The following NUBP1 variants were observed in gnomAD, a reference collection of about 807,000 sequenced individuals.
NUBP1 encodes the protein NUBP iron-sulfur cluster assembly factor 1, cytosolic.
In NUBP1, 46 loss-of-function variants were observed where a neutral mutation model predicts 41.8. That is an observed-to-expected ratio of 1.10 (90% CI 0.87 to 1.41). The LOEUF (loss-of-function observed/expected upper bound fraction) is 1.41, where lower values mean the gene tolerates loss of function less well. Ranked by LOEUF, NUBP1 falls within the 40% of genes most tolerant of loss-of-function variation. The probability of loss-of-function intolerance (pLI) is 0.00; values close to 1 mark genes in which losing one functional copy is unlikely to be tolerated. For synonymous variants in NUBP1, 189 were observed against 154.6 expected, an observed-to-expected ratio of 1.22 and a Z score of -1.65; for missense variants, 494 against 414.0, an observed-to-expected ratio of 1.19 and a Z score of -1.68.
chr16:10,760,502 C>G (rs952760370), intron 7 of NUBP1, among the ~76,000 whole-genome samples: 8 of 152,172 alleles, frequency 5.3e-5, no homozygotes, highest in East Asian at 1.9e-4. Context: ...CCCTAACACT[C>G]TGGGAGGCCG....
rs2030992345 is a variant in NUBP1 at position 10,767,092 on chromosome 16, C to A, written c.821-857C>A. ...AGGTAGGAACCCCTCCTGGGGTTCA[C>A]CTGAGGCTGGTGACCGGCCATGGGC... On this transcript the variant is annotated intron_variant, in intron 9 of 10. Coordinates refer to ENST00000283027, the MANE Select transcript of NUBP1 (RefSeq NM_002484.4). The surrounding 1 kb of genome is among the most constrained non-coding windows in gnomAD (Gnocchi z 4.6). 1 of 398,756 alleles carries A rather than the reference C, an allele frequency of 2.5e-6. No individual in the cohort carries two copies. 24.7% of individuals were successfully genotyped at this position (398,756 alleles called of 1,614,324 possible).
At chr16:10,752,710 T>C (rs372830762) in intron 4 of NUBP1, 32 bp downstream of exon 4, 3 of 1,580,012 alleles carry the variant, frequency 1.9e-6, no homozygotes, top group Admixed American at 3.3e-5. Flanking sequence ...CAGGAAATTA[T>C]TCTCTTAAGG....
Position 10,767,939 on chromosome 16 carries a change from C to T in NUBP1, c.821-10C>T, listed in dbSNP as rs1555476751. On this transcript the variant is annotated splice_polypyrimidine_tract_variant and intron_variant, in intron 9 of 10. Transcript: ENST00000283027. The surrounding 1 kb of genome is among the most constrained non-coding windows in gnomAD (Gnocchi z 4.6). ...GGACTGAATTGTCTTCCGTTTGTTT[C>T]TTTTTTAAGGTAAGAATTGTGACAA... 6.2e-7 allele frequency: 1 copy of T among 1,613,884 alleles called. No individual in the cohort carries two copies. Among genetic ancestry groups the T allele is most frequent in the Non-Finnish European group, 8.5e-7 (1 of 1,179,818 alleles).
rs1900814671 is a variant in NUBP1, at chr16:10,759,766, ACT to A, written c.607-1595_607-1594del. ...ACTCCAGCCTGGGCGACAGAGCAAGACTCTGTCTCAAAAAAAGAAAGAAAGAA... is the reference window on the plus strand; with the variant it reads ...ACTCCAGCCTGGGCGACAGAGCAAGACTGTCTCAAAAAAAGAAAGAAAGAA... On this transcript the variant is annotated intron_variant, in intron 7 of 10. Coordinates refer to ENST00000283027, the MANE Select transcript of NUBP1 (RefSeq NM_002484.4). The surrounding 1 kb of genome is among the most constrained non-coding windows in gnomAD (Gnocchi z 4.7). Among the ~76,000 whole-genome samples, 3 of 152,096 alleles carry A rather than the reference ACT, an allele frequency of 2.0e-5. No homozygotes were observed. The highest frequency in any genetic ancestry group is 2.0e-4 in the Admixed American group (3 of 15,260).
Position 10,767,841 on chromosome 16 carries a change from G to A in NUBP1, c.821-108G>A, listed in dbSNP as rs896681418. 3.7e-5 allele frequency: 37 copies of A among 997,804 alleles called. No homozygotes were observed. Among genetic ancestry groups the A allele is most frequent in the African/African-American group, 1.8e-4 (11 of 61,944 alleles). The allele number at this position is 997,804 out of a possible 1,614,324, so 61.8% of individuals were successfully genotyped here. ...CTTTGTTCTTCATTACGAGTGAAGCGGGCTCAAGATCTTCCCATTGTCACC... is the reference window on the plus strand; with the variant it reads ...CTTTGTTCTTCATTACGAGTGAAGCAGGCTCAAGATCTTCCCATTGTCACC... On this transcript the variant is annotated intron_variant, in intron 9 of 10. Coordinates refer to ENST00000283027, the MANE Select transcript of NUBP1 (RefSeq NM_002484.4). This position sits in a 1 kb window ranked among gnomAD's most constrained non-coding sequence, Gnocchi z 4.6.
chr16:10,757,750 C>T lies in NUBP1; in HGVS notation c.452-123C>T. Reference sequence around the variant, plus strand: ...GGCTGAGGTGGGAGGATTGCTTGAGCCTCAGAGTTAAGAGCCAACCTGGGC... The same window carrying T: ...GGCTGAGGTGGGAGGATTGCTTGAGTCTCAGAGTTAAGAGCCAACCTGGGC... On this transcript the variant is annotated intron_variant, in intron 6 of 10. Transcript: ENST00000283027. The surrounding 1 kb of genome is among the most constrained non-coding windows in gnomAD (Gnocchi z 4.1). 1 of 1,210,796 alleles carries T rather than the reference C, an allele frequency of 8.3e-7. No homozygotes were observed. The highest frequency in any genetic ancestry group is 1.2e-6 in the Non-Finnish European group (1 of 859,676). The allele number at this position is 1,210,796 out of a possible 1,614,324, so 75.0% of individuals were successfully genotyped here.
chr16:10,764,575 G>C (rs983557157), intron 9 of NUBP1, among the ~76,000 whole-genome samples: 3 of 150,642 alleles, frequency 2.0e-5, no homozygotes, highest in Non-Finnish European at 2.9e-5. Context: ...CAGTCTGCTG[G>C]AGTATGTCAG....
intron 5 of NUBP1, 48 bp from the exon 6 acceptor site, chr16:10,756,642 G>A: frequency 7.1e-7 from 1 of 1,409,538 alleles, no homozygotes; most frequent in African/African-American, 1.5e-5. Context: ...GCCTCACTGT[G>A]TGGTTTTGAG....
chr16:10,763,650 G>C (rs1054066594), intron 9 of NUBP1: 1 of 152,466 alleles, frequency 6.6e-6, no homozygotes, highest in African/African-American at 2.4e-5. Flanking sequence ...TGTGATTGGG[G>C]ACAGGAGCTT....
Position 10,765,466 on chromosome 16 carries a change from C to G in NUBP1, c.821-2483C>G, listed in dbSNP as rs28605410. Among the ~76,000 whole-genome samples the G allele has an allele frequency of 7.5e-3, 1,144 of 152,190 alleles. 14 individuals carry two copies. The highest frequency in any genetic ancestry group is 0.026 in the African/African-American group (1,093 of 41,504). ...GAGGTTGCAGTGAGCCATGATCACA[C>G]CACTGCACTCCAGCCTGGGCGACAG... On this transcript the variant is annotated intron_variant, in intron 9 of 10. Transcript: ENST00000283027. This position sits in a 1 kb window ranked among gnomAD's most constrained non-coding sequence, Gnocchi z 4.0.
intron 7 of NUBP1, among the ~76,000 whole-genome samples, chr16:10,760,048 G>A (rs1298321240): frequency 2.6e-5 from 4 of 152,238 alleles, no homozygotes; most frequent in East Asian, 1.9e-4. Flanking sequence ...GCTACTGAGC[G>A]GTGTTTATAC....
chr16:10,767,342 C>A lies in NUBP1; in HGVS notation c.821-607C>A. On this transcript the variant is annotated intron_variant, in intron 9 of 10. Transcript: ENST00000283027. This position sits in a 1 kb window ranked among gnomAD's most constrained non-coding sequence, Gnocchi z 4.6. Reference sequence around the variant, plus strand: ...GGGGACTGGAACAATGGCCACATGGCGGGGAAAGACTAGCAGACTGATAGA... The same window carrying A: ...GGGGACTGGAACAATGGCCACATGGAGGGGAAAGACTAGCAGACTGATAGA... 3 of 399,392 alleles carry A rather than the reference C, an allele frequency of 7.5e-6. No homozygotes were observed. Among genetic ancestry groups the A allele is most frequent in the Non-Finnish European group, 1.3e-5 (3 of 226,728 alleles). 24.7% of individuals were successfully genotyped at this position (399,392 alleles called of 1,614,324 possible). A position where few individuals can be genotyped will look rare whatever the true frequency, so the allele number is the denominator to read the frequency against.
At position 10,756,718 on chromosome 16, in the gene NUBP1, C is replaced by G; in HGVS notation, c.389C>G (p.Ser130Ter). 3 of 1,576,562 alleles carry G rather than the reference C, an allele frequency of 1.9e-6. No homozygotes were observed. The highest frequency in any genetic ancestry group is 2.6e-6 in the Non-Finnish European group (3 of 1,165,718). Residue 130 changes from serine (S) to a stop codon, truncating the protein, a stop_gained, in exon 6 of 11, where the codon TCA becomes TGA. Transcript: ENST00000283027. LOFTEE classifies it high-confidence loss of function. Reference protein sequence around the residue: ...VYVEDNLGVMSVGFLLSSPDD... With the variant: ...VYVEDNLGVM The stretch of plus-strand genomic sequence containing the variant: ...GTGGAAGACAACCTGGGGGTGATGT[C>G]AGTGGGCTTCCTGCTCAGCAGTCCT...
At position 10,749,637 on chromosome 16, in the gene NUBP1, G is replaced by C. The variant is rs141593559; in HGVS notation, c.258+2361G>C. The stretch of plus-strand genomic sequence containing the variant: ...AAAGTGTCAACACATGGAAAATGCT[G>C]AATATGTCTTGATTAAAGTCAAGCA... On this transcript the variant is annotated intron_variant, in intron 3 of 10. Coordinates refer to ENST00000283027, the MANE Select transcript of NUBP1 (RefSeq NM_002484.4). The surrounding 1 kb of genome is among the most constrained non-coding windows in gnomAD (Gnocchi z 4.1). Among the ~76,000 whole-genome samples the C allele has an allele frequency of 7.5e-3, 1,137 of 152,312 alleles. 19 individuals are homozygous for C. The highest frequency in any genetic ancestry group is 0.025 in the African/African-American group (1,027 of 41,564).
In NUBP1 at chr16:10,749,235, A is replaced by C. The variant is rs1253327007; in HGVS notation, c.258+1959A>C. ...TTGAGGGTCAAATCTGTACTGGCCT[A>C]GTGGGCTGGCCAAGAAATCTGCTTT... On this transcript the variant is annotated intron_variant, in intron 3 of 10. Transcript: ENST00000283027. This position sits in a 1 kb window ranked among gnomAD's most constrained non-coding sequence, Gnocchi z 4.1. Among the ~76,000 whole-genome samples the C allele has an allele frequency of 6.6e-6, 1 of 151,742 alleles. No individual in the cohort carries two copies. Among genetic ancestry groups the C allele is most frequent in the African/African-American group, 2.4e-5 (1 of 41,198 alleles).
At chr16:10,755,700 T>A in intron 4 of NUBP1, 21 bp from the exon 5 acceptor site, 1 of 1,613,618 alleles carries the variant, frequency 6.2e-7, no homozygotes, top group Non-Finnish European at 8.5e-7. Context: ...CTAATGAACA[T>A]CGGTGCTCAT....
At chr16:10,762,478 C>T (rs1035592500) in intron 9 of NUBP1, among the ~76,000 whole-genome samples, 18 of 152,200 alleles carry the variant, frequency 1.2e-4, no homozygotes, top group East Asian at 1.9e-4. Context: ...GGCGCCCACT[C>T]GCCGCGGGGC....
At position 10,756,789 on chromosome 16, in the gene NUBP1, C is replaced by T. The variant is rs200555014; in HGVS notation, c.451+9C>T. The T allele has an allele frequency of 1.9e-4, 310 of 1,590,596 alleles. 1 individual carries two copies. The African/African-American group carries it at 3.5e-3, about 18-fold the overall frequency. On this transcript the variant is annotated intron_variant, in intron 6 of 10. Transcript: ENST00000283027. The stretch of plus-strand genomic sequence containing the variant: ...GGGACCCAAGAAAAACGGTTTGCCA[C>T]TCTGCCTTTTTTTGTCTCTCACATT...
chr16:10,768,199 G>T lies in NUBP1; in HGVS notation c.904+167G>T. The T allele has an allele frequency of 1.9e-6, 1 of 516,282 alleles. No individual in the cohort carries two copies. The highest frequency in any genetic ancestry group is 3.4e-6 in the Non-Finnish European group (1 of 291,180). The allele number at this position is 516,282 out of a possible 1,614,324, so 32.0% of individuals were successfully genotyped here. On this transcript the variant is annotated intron_variant, in intron 10 of 10. Transcript: ENST00000283027. This position sits in a 1 kb window ranked among gnomAD's most constrained non-coding sequence, Gnocchi z 4.3. Reference sequence around the variant, plus strand: ...CCATGAGAAATCTCTCAATGTGTGAGTATTGTGAATTAATTCATAGTTTAA... The same window carrying T: ...CCATGAGAAATCTCTCAATGTGTGATTATTGTGAATTAATTCATAGTTTAA...
Sources: gnomAD v4.1 joint callset for allele counts (sites outside exome capture counted in the v4.1 genomes callset) on GRCh38, gnomAD v4.1.1 for gene constraint, Gnocchi (gnomAD v3.1) non-coding constraint, MANE v1.5 for transcripts, NCBI Gene and HGNC (gene_info 2026-07-23, HGNC 2026-07-21) for gene names.